Variants in EHBP1 observed in about 807,000 individuals in gnomAD.
EHBP1 encodes the protein EH domain-binding protein 1.
Under a neutral mutation model 144.0 loss-of-function variants are expected in EHBP1, and 55 were observed. That is an observed-to-expected ratio of 0.38 (90% confidence interval 0.31 to 0.48). EHBP1 has a LOEUF of 0.48. EHBP1 is among the 20% of genes least tolerant of loss of function. The probability of loss-of-function intolerance (pLI) is 0.98; values close to 1 mark genes in which losing one functional copy is unlikely to be tolerated. For missense variants in EHBP1, 1,200 were observed against 1,364.2 expected, an observed-to-expected ratio of 0.88 and a Z score of 1.90; for synonymous variants, 469 against 472.7, an observed-to-expected ratio of 0.99 and a Z score of 0.10.
At chr2:62,981,969 CTGTT>C (rs1213993673) in intron 15 of EHBP1, among the ~76,000 whole-genome samples, 2 of 152,218 alleles carry the variant, frequency 1.3e-5, no homozygotes, top group East Asian at 1.9e-4. Flanking sequence ...AAATGGTAGT[CTGTT>C]TGTGAGAACT....
intron 7 of EHBP1, among the ~76,000 whole-genome samples, chr2:62,839,219 A>G (rs2047576351): frequency 6.6e-6 from 1 of 152,156 alleles, no homozygotes; most frequent in African/African-American, 2.4e-5. Context: ...TCCAGCATAT[A>G]AACAGAACCA....
chr2:62,823,193 A>T (rs761359888), intron 5 of EHBP1, among the ~76,000 whole-genome samples: 1 of 152,132 alleles, frequency 6.6e-6, no homozygotes, highest in East Asian at 1.9e-4. Context: ...TTTAATAAAC[A>T]TTGAAGTTTA....
intron 5 of EHBP1, among the ~76,000 whole-genome samples, chr2:62,802,189 C>T (rs1202591530): frequency 6.6e-6 from 1 of 152,180 alleles, no homozygotes; most frequent in Non-Finnish European, 1.5e-5. Context: ...ATACCTTAAC[C>T]CATGGTTCTC....
At chr2:62,936,638 T>C (rs2056405549) in intron 10 of EHBP1, among the ~76,000 whole-genome samples, 1 of 152,056 alleles carries the variant, frequency 6.6e-6, no homozygotes, top group African/African-American at 2.4e-5. Context: ...TGTCTCTCCA[T>C]GTCTTGGCTT....
At chr2:63,039,331 T>C (rs1374629242) in intron 21 of EHBP1, among the ~76,000 whole-genome samples, 1 of 152,216 alleles carries the variant, frequency 6.6e-6, no homozygotes, top group Non-Finnish European at 1.5e-5. Flanking sequence ...TTCATGCTTT[T>C]CATAAAGCTT....
At position 62,979,149 on chromosome 2, in the gene EHBP1, T is replaced by C. The variant is rs375947366; in HGVS notation, c.2461-39T>C. 10 of 1,569,870 alleles carry C rather than the reference T, an allele frequency of 6.4e-6. No homozygotes were observed. The African/African-American group carries it at 1.2e-4, about 19-fold the overall frequency. ...CAGATTGAAAATGAAATTGCATTTC[T>C]GTCAATTACTGAGTTGGCAACTGTT... On this transcript the variant is annotated intron_variant, in intron 14 of 22. Transcript: ENST00000431489.
intron 19 of EHBP1, among the ~76,000 whole-genome samples, chr2:63,034,565 T>C (rs1012147591): frequency 1.3e-5 from 2 of 152,102 alleles, no homozygotes; most frequent in Non-Finnish European, 2.9e-5. Flanking sequence ...AGATTAGGTA[T>C]TGTGGCAGAA....
At chr2:62,716,292 G>A (rs2035674147) in intron 2 of EHBP1, among the ~76,000 whole-genome samples, 1 of 152,006 alleles carries the variant, frequency 6.6e-6, no homozygotes, top group South Asian at 2.1e-4. Context: ...CTTTTCCTAT[G>A]CAACTCCCCC....
chr2:62,824,774 G>A (rs2046230152), intron 5 of EHBP1, among the ~76,000 whole-genome samples: 1 of 151,730 alleles, frequency 6.6e-6, no homozygotes, highest in South Asian at 2.1e-4. Flanking sequence ...ATTTTTACTT[G>A]TTTCGCTGGG....
chr2:62,970,832 G>A (rs2058466140), intron 14 of EHBP1, among the ~76,000 whole-genome samples: 2 of 152,086 alleles, frequency 1.3e-5, no homozygotes, highest in South Asian at 4.1e-4. Flanking sequence ...GTCTGCTAGG[G>A]GGTTGTAGCT....
chr2:63,025,039 A>G (rs2060915916), intron 19 of EHBP1, among the ~76,000 whole-genome samples: 1 of 152,194 alleles, frequency 6.6e-6, no homozygotes, highest in African/African-American at 2.4e-5. Flanking sequence ...AAAAGTACTA[A>G]ACATTCATAA....
At chr2:62,923,162 A>T (rs980079759) in intron 10 of EHBP1, among the ~76,000 whole-genome samples, 1 of 152,086 alleles carries the variant, frequency 6.6e-6, no homozygotes, top group African/African-American at 2.4e-5. Flanking sequence ...CATTCCTCCA[A>T]ACCTACACCA....
In EHBP1 at chr2:62,979,379, T is replaced by C. The variant is rs766408152; in HGVS notation, c.2608+44T>C. On this transcript the variant is annotated intron_variant, in intron 15 of 22. Coordinates refer to ENST00000431489, the MANE Select transcript of EHBP1 (RefSeq NM_001142616.3). ...TATCATTCTACAGACAACCCAGAAA[T>C]CCACAGTGGACCTTTTGGGACTTTT... 5.6e-6 allele frequency: 9 copies of C among 1,593,260 alleles called. No individual in the cohort carries two copies. In the East Asian group the frequency reaches 1.3e-4, roughly 24 times the overall value.
intron 14 of EHBP1, chr2:62,964,831 T>C (rs1245900060): frequency 6.6e-6 from 1 of 152,652 alleles, no homozygotes; most frequent in Non-Finnish European, 1.5e-5. Context: ...CCGTTAATTT[T>C]CCCTTTCGAG....
intron 1 of EHBP1, among the ~76,000 whole-genome samples, chr2:62,681,464 C>T (rs2033528226): frequency 6.7e-6 from 1 of 149,020 alleles, no homozygotes; most frequent in Non-Finnish European, 1.5e-5. Context: ...AATGACTAAG[C>T]AGTGGTCTAA....
chr2:62,868,994 GA>G (rs1318859029), intron 9 of EHBP1, among the ~76,000 whole-genome samples: 9 of 152,038 alleles, frequency 5.9e-5, no homozygotes, highest in African/African-American at 2.2e-4. Context: ...AAGAAAGGGG[GA>G]AATATTCCAA....
At chr2:62,734,707 G>T (rs2037944569) in intron 2 of EHBP1, among the ~76,000 whole-genome samples, 1 of 152,040 alleles carries the variant, frequency 6.6e-6, no homozygotes, top group Admixed American at 6.6e-5. Flanking sequence ...TGTTGCCTTT[G>T]TTCTTTGTAC....
At chr2:62,797,326 C>T (rs982090077) in intron 5 of EHBP1, among the ~76,000 whole-genome samples, 14 of 152,160 alleles carry the variant, frequency 9.2e-5, no homozygotes, top group Non-Finnish European at 2.1e-4. Flanking sequence ...GCCCCACGGG[C>T]ACCAGTTGAT....
intron 2 of EHBP1, among the ~76,000 whole-genome samples, chr2:62,723,945 T>C (rs1253572560): frequency 6.6e-6 from 1 of 152,214 alleles, no homozygotes; most frequent in Non-Finnish European, 1.5e-5. Context: ...GATTATTATG[T>C]GTCTTGAGGA....
Sources: allele counts gnomAD v4.1 joint callset (sites outside exome capture counted in the v4.1 genomes callset), GRCh38; gene constraint gnomAD v4.1.1; transcripts MANE v1.5; gene names NCBI Gene and HGNC (gene_info 2026-07-23, HGNC 2026-07-21).